Variants in RCAN2 observed in about 807,000 individuals in gnomAD.
The protein encoded by RCAN2 is calcipressin-2.
RCAN2 carries 9 observed loss-of-function variants against 23.6 expected under a neutral mutation model. The ratio of observed to expected loss-of-function variants is 0.38; its 90% CI spans 0.23 to 0.67. The LOEUF is 0.67. RCAN2 is among the 30% of genes least tolerant of loss of function. The pLI, the probability that RCAN2 is intolerant of heterozygous loss-of-function variation, is 0.51. For synonymous variants in RCAN2, 109 were observed against 115.7 expected (o/e 0.94, Z 0.37); for missense variants, 273 against 302.3 (o/e 0.90, Z 0.72).
chr6:46,356,085 G>T (rs1208909017), intron 2 of RCAN2, among the ~76,000 whole-genome samples: 2 of 152,206 alleles, frequency 1.3e-5, no homozygotes, highest in African/African-American at 4.8e-5. Flanking sequence ...CTAAGGACAA[G>T]AAAAGACTCA....
At chr6:46,284,665 C>G (rs1762311111) in intron 2 of RCAN2, among the ~76,000 whole-genome samples, 1 of 152,180 alleles carries the variant, frequency 6.6e-6, no homozygotes, top group African/African-American at 2.4e-5. Flanking sequence ...CAAGTGAGAA[C>G]AGGCTGGTGC....
intron 2 of RCAN2, among the ~76,000 whole-genome samples, chr6:46,250,810 C>T (rs1436687349): frequency 1.3e-5 from 2 of 152,192 alleles, no homozygotes; most frequent in African/African-American, 2.4e-5. Context: ...ACACTGACTT[C>T]TGAGGCTCCA....
intron 2 of RCAN2, among the ~76,000 whole-genome samples, chr6:46,379,359 G>A (rs777882402): frequency 6.6e-6 from 1 of 152,130 alleles, no homozygotes; most frequent in Non-Finnish European, 1.5e-5. Context: ...AGGAGAGAGA[G>A]GGTTTTGAAA....
chr6:46,407,570 T>C (rs528215744), intron 2 of RCAN2, among the ~76,000 whole-genome samples: 3 of 152,316 alleles, frequency 2.0e-5, no homozygotes, highest in African/African-American at 7.2e-5. Flanking sequence ...CGTCTTGCTA[T>C]GGGCAACTGC....
chr6:46,432,484 A>C (rs1223554485), intron 2 of RCAN2, among the ~76,000 whole-genome samples: 1 of 152,090 alleles, frequency 6.6e-6, no homozygotes, highest in Non-Finnish European at 1.5e-5. Context: ...AAGCACTGTG[A>C]TTACAGGTGT....
chr6:46,302,496 A>G (rs745508106), intron 2 of RCAN2, among the ~76,000 whole-genome samples: 2 of 152,086 alleles, frequency 1.3e-5, no homozygotes, highest in Admixed American at 1.3e-4. Flanking sequence ...CTGTGATTGC[A>G]TGAGATACTC....
At chr6:46,247,821 A>C (rs891912858) in intron 3 of RCAN2, among the ~76,000 whole-genome samples, 2 of 152,170 alleles carry the variant, frequency 1.3e-5, no homozygotes, top group African/African-American at 4.8e-5. Context: ...GTGTGTGTAC[A>C]TGTATTTTTT....
intron 2 of RCAN2, among the ~76,000 whole-genome samples, chr6:46,315,284 C>T (rs1763396651): frequency 6.6e-6 from 1 of 152,188 alleles, no homozygotes; most frequent in Non-Finnish European, 1.5e-5. Flanking sequence ...AGCCCCTGCC[C>T]TCATGAAGCT....
intron 2 of RCAN2, among the ~76,000 whole-genome samples, chr6:46,252,099 T>C (rs1031428108): frequency 3.9e-5 from 6 of 152,182 alleles, no homozygotes; most frequent in Admixed American, 3.3e-4. Flanking sequence ...GCTAGCCTTC[T>C]CTATTTTTGT....
At chr6:46,453,977 T>A (rs900275013) in intron 2 of RCAN2, among the ~76,000 whole-genome samples, 1 of 152,244 alleles carries the variant, frequency 6.6e-6, no homozygotes, top group South Asian at 2.1e-4. Context: ...CCCCCTGCTA[T>A]AATTCCAGGC....
At chr6:46,256,718 A>T (rs558707239) in intron 2 of RCAN2, among the ~76,000 whole-genome samples, 1 of 152,216 alleles carries the variant, frequency 6.6e-6, no homozygotes. Context: ...AAAAAGACTC[A>T]AACATGGCTT....
intron 2 of RCAN2, among the ~76,000 whole-genome samples, chr6:46,427,991 T>C (rs1767081363): frequency 3.3e-5 from 5 of 151,964 alleles, no homozygotes; most frequent in Admixed American, 2.0e-4. Flanking sequence ...AGCTACAGGA[T>C]GAATCTGTGA....
At chr6:46,294,229 C>T (rs1287579982) in intron 2 of RCAN2, among the ~76,000 whole-genome samples, 1 of 152,104 alleles carries the variant, frequency 6.6e-6, no homozygotes. Context: ...TTAAAAATAG[C>T]AAGTAAACAT....
At chr6:46,308,384 C>T (rs1763133408) in intron 2 of RCAN2, among the ~76,000 whole-genome samples, 1 of 152,108 alleles carries the variant, frequency 6.6e-6, no homozygotes, top group East Asian at 1.9e-4. Context: ...GGAGCATGAA[C>T]TCTTCTCTTA....
chr6:46,382,838 T>C (rs549840571), intron 2 of RCAN2, among the ~76,000 whole-genome samples: 4 of 152,292 alleles, frequency 2.6e-5, no homozygotes, highest in African/African-American at 9.6e-5. Flanking sequence ...CCTGGAAACA[T>C]GTAGCCTGGG....
At chr6:46,404,942 G>A (rs1247967187) in intron 2 of RCAN2, among the ~76,000 whole-genome samples, 1 of 152,130 alleles carries the variant, frequency 6.6e-6, no homozygotes, top group Admixed American at 6.5e-5. Flanking sequence ...TAAACAACAG[G>A]TGAATGCAAA....
chr6:46,240,085 T>A (rs1766250813), intron 4 of RCAN2, among the ~76,000 whole-genome samples: 1 of 152,120 alleles, frequency 6.6e-6, no homozygotes, highest in African/African-American at 2.4e-5. Context: ...AAGGGGGAGC[T>A]GCCTGGGAGA....
In RCAN2 at chr6:46,289,294, C is replaced by T. The variant is rs191160774; in HGVS notation, c.226-40398G>A. On this transcript the variant is annotated intron_variant, in intron 2 of 4. Transcript: ENST00000371374. ...GAACACAGCCTATGGTGAACTGCAA[C>T]GAACTAGAAAGAGTATTCTTTTATT... Among the ~76,000 whole-genome samples the T allele has an allele frequency of 1.1e-4, 17 of 152,270 alleles. No homozygotes were observed. In the South Asian group the frequency reaches 1.2e-3, roughly 11 times the overall value.
intron 1 of RCAN2, among the ~76,000 whole-genome samples, chr6:46,475,939 A>G (rs1768701350): frequency 2.0e-5 from 3 of 152,198 alleles, no homozygotes; most frequent in South Asian, 4.1e-4. Flanking sequence ...CATTTAACAG[A>G]CATTCTCATG....
Sources: allele counts gnomAD v4.1 joint callset (sites outside exome capture counted in the v4.1 genomes callset), GRCh38; gene constraint gnomAD v4.1.1; transcripts MANE v1.5; gene names NCBI Gene and HGNC (gene_info 2026-07-23, HGNC 2026-07-21).